The following FRMPD4 variants were observed in gnomAD, a reference collection of about 807,000 sequenced individuals.
FRMPD4 encodes FERM and PDZ domain containing 4, also known as FERM and PDZ domain-containing protein 4.
Under a neutral mutation model 94.1 loss-of-function variants are expected in FRMPD4, and 22 were observed. The ratio of observed to expected loss-of-function variants is 0.23; its 90% CI spans 0.17 to 0.33. The LOEUF is 0.33. FRMPD4 is among the 10% of genes least tolerant of loss of function. FRMPD4 has a pLI of 1.00. For synonymous variants in FRMPD4, 631 were observed against 548.6 expected, an observed-to-expected ratio of 1.15 and a Z score of -2.10; for missense variants, 1,111 against 1,339.9, an observed-to-expected ratio of 0.83 and a Z score of 2.67.
intron 1 of FRMPD4, among the ~76,000 whole-genome samples, chrX:12,171,156 G>A (rs2056214544): frequency 8.9e-6 from 1 of 111,781 alleles, no homozygotes; most frequent in African/African-American, 3.3e-5. Flanking sequence ...TTGACGAGAG[G>A]CTGCTAATTT....
chrX:12,536,667 C>T (rs1054508676), intron 2 of FRMPD4, among the ~76,000 whole-genome samples: 5 of 111,543 alleles, frequency 4.5e-5, no homozygotes, highest in South Asian at 3.7e-4. Context: ...CTGTGTGTTT[C>T]GGAAAGAAGG....
intron 4 of FRMPD4, among the ~76,000 whole-genome samples, chrX:12,667,771 G>C (rs779700152): frequency 1.1e-4 from 12 of 111,999 alleles, no homozygotes; most frequent in African/African-American, 2.9e-4. Context: ...AAGGGACTCT[G>C]CATCAAAAAA....
intron 2 of FRMPD4, among the ~76,000 whole-genome samples, chrX:12,538,092 T>C (rs1332748252): frequency 9.0e-6 from 1 of 111,452 alleles, no homozygotes; most frequent in Non-Finnish European, 1.9e-5. Flanking sequence ...AAGGAAGCTA[T>C]GGCAGACAGC....
At chrX:11,854,424 A>C (rs2053642663) in intron 1 of FRMPD4, among the ~76,000 whole-genome samples, 1 of 111,408 alleles carries the variant, frequency 9.0e-6, no homozygotes. Context: ...TCCAGCATTA[A>C]CTCAAAAGTC....
At position 12,118,536 on chromosome X, in the gene FRMPD4, T is replaced by G. The variant is rs767598039; in HGVS notation, c.95+240518T>G. Among the ~76,000 whole-genome samples the G allele has an allele frequency of 1.3e-4, 15 of 111,891 alleles. No homozygotes were observed. The East Asian group carries it at 4.0e-3, about 30-fold the overall frequency. ...TGGAAGCAGAAAGGCCTCCTGTGTG[T>G]GTGGCTGTGGGAACTCAATGAGAAC... On this transcript the variant is annotated intron_variant, in intron 3 of 18. Coordinates refer to the FRMPD4 transcript ENST00000640291.
At chrX:12,434,210 T>C (rs2057039414) in intron 1 of FRMPD4, among the ~76,000 whole-genome samples, 1 of 112,428 alleles carries the variant, frequency 8.9e-6, no homozygotes, top group African/African-American at 3.2e-5. Context: ...CTGTGAGAAG[T>C]TGCTGTTTAG....
chrX:12,136,538 G>A (rs776321069), upstream of FRMPD4, among the ~76,000 whole-genome samples: 1 of 110,882 alleles, frequency 9.0e-6, no homozygotes, highest in Non-Finnish European at 1.9e-5. Context: ...TGGAGAAGCC[G>A]GCCATGCAGA....
At chrX:12,540,565 C>T (rs1304749942) in intron 2 of FRMPD4, among the ~76,000 whole-genome samples, 7 of 111,885 alleles carry the variant, frequency 6.3e-5, no homozygotes, top group East Asian at 5.6e-4. Flanking sequence ...ATGCACCCAA[C>T]ACAGGAGCAC....
intron 1 of FRMPD4, among the ~76,000 whole-genome samples, chrX:12,143,452 C>T (rs573957883): frequency 1.8e-5 from 2 of 112,826 alleles, no homozygotes; most frequent in Admixed American, 1.9e-4. Context: ...TGCCTGACAA[C>T]AGCAAAGTTG....
intron 4 of FRMPD4, among the ~76,000 whole-genome samples, chrX:12,627,470 A>T (rs908619670): frequency 1.8e-5 from 2 of 112,000 alleles, no homozygotes; most frequent in African/African-American, 6.5e-5. Context: ...CACTTGCAGC[A>T]TACACGTTTT....
At chrX:12,628,086 A>C (rs1456733431) in intron 4 of FRMPD4, among the ~76,000 whole-genome samples, 1 of 111,532 alleles carries the variant, frequency 9.0e-6, no homozygotes, top group Non-Finnish European at 1.9e-5. Flanking sequence ...AGGAGCTTAC[A>C]GCGAAATCTA....
At chrX:11,964,600 AAGG>A (rs1289020636) in intron 3 of FRMPD4, among the ~76,000 whole-genome samples, 1 of 111,983 alleles carries the variant, frequency 8.9e-6, no homozygotes, top group Non-Finnish European at 1.9e-5. Context: ...CTAGACCCTT[AAGG>A]AGAATTGAGA....
chrX:12,672,626 C>T (rs776525328), intron 4 of FRMPD4, among the ~76,000 whole-genome samples: 3 of 111,418 alleles, frequency 2.7e-5, no homozygotes, highest in Admixed American at 9.5e-5. Flanking sequence ...GAAAATCTTG[C>T]GGCACCCTTC....
At chrX:12,242,704 A>T (rs2053895317) in intron 1 of FRMPD4, among the ~76,000 whole-genome samples, 1 of 112,318 alleles carries the variant, frequency 8.9e-6, no homozygotes, top group Non-Finnish European at 1.9e-5. Flanking sequence ...AGACCTGAAA[A>T]TGACTCAGTT....
At chrX:11,833,880 C>T (rs1160491251) in intron 1 of FRMPD4, among the ~76,000 whole-genome samples, 6 of 111,593 alleles carry the variant, frequency 5.4e-5, no homozygotes, top group African/African-American at 2.0e-4. Context: ...TTTTCTATTT[C>T]TTATGTTCAG....
At chrX:12,120,573 G>A (rs191700051) in intron 3 of FRMPD4, among the ~76,000 whole-genome samples, 2 of 111,498 alleles carry the variant, frequency 1.8e-5, no homozygotes, top group East Asian at 5.6e-4. Context: ...CAGGTGACCT[G>A]TATCTGACTA....
chrX:12,274,420 A>C (rs1275998964), intron 1 of FRMPD4, among the ~76,000 whole-genome samples: 1 of 112,309 alleles, frequency 8.9e-6, no homozygotes, highest in African/African-American at 3.2e-5. Flanking sequence ...CTCTGAACAA[A>C]TGCATGTTCA....
At chrX:11,903,292 A>G (rs191832238) in intron 3 of FRMPD4, among the ~76,000 whole-genome samples, 77 of 112,701 alleles carry the variant, frequency 6.8e-4, no homozygotes, top group African/African-American at 2.4e-3. Context: ...AATATTTTCT[A>G]TTTTAATATT....
At chrX:12,293,535 ATAAAT>A (rs2054721377) in intron 1 of FRMPD4, among the ~76,000 whole-genome samples, 2 of 112,741 alleles carry the variant, frequency 1.8e-5, no homozygotes, top group Non-Finnish European at 3.7e-5. Flanking sequence ...AGAAAGAATA[ATAAAT>A]TAAGATTGAC....
Sources: allele counts gnomAD v4.1 joint callset (sites outside exome capture counted in the v4.1 genomes callset), GRCh38; gene constraint gnomAD v4.1.1; transcripts MANE v1.5; gene names NCBI Gene and HGNC (gene_info 2026-07-23, HGNC 2026-07-21).